CYTH3: variants seen among roughly 807,000 people sequenced by gnomAD.
The protein encoded by CYTH3 is cytohesin-3.
Under a neutral mutation model 55.1 loss-of-function variants are expected in CYTH3, and 23 were observed. The observed-to-expected ratio is 0.42, with a 90% CI of 0.30 to 0.59. CYTH3 has a LOEUF of 0.59. Ranked by LOEUF, CYTH3 falls within the 20% of genes least tolerant of loss-of-function variation. The pLI, the probability that CYTH3 is intolerant of heterozygous loss-of-function variation, is 0.20. For missense variants in CYTH3, 413 were observed against 524.8 expected, an observed-to-expected ratio of 0.79 and a Z score of 2.08; for synonymous variants, 249 against 194.9, an observed-to-expected ratio of 1.28 and a Z score of -2.31.
chr7:6,259,757 TTATATATATATATATTATATATATATA>T (rs1562417341), intron 1 of CYTH3, among the ~76,000 whole-genome samples: 534 of 37,450 alleles, frequency 0.014, 9 homozygotes, highest in Middle Eastern at 0.026. Flanking sequence ...TATATATATA[TTATATATATATATATTATATATATATA>T]ATATATATAT....
chr7:6,181,528 C>T (rs1411076526), intron 4 of CYTH3, among the ~76,000 whole-genome samples: 2 of 152,200 alleles, frequency 1.3e-5, no homozygotes, highest in African/African-American at 2.4e-5. Context: ...ATCTTTCCTT[C>T]CTGGGAAATT....
chr7:6,176,380 G>C (rs972815624), intron 5 of CYTH3, among the ~76,000 whole-genome samples: 3 of 147,568 alleles, frequency 2.0e-5, no homozygotes, highest in Non-Finnish European at 4.4e-5. Context: ...TCCTGCCTCA[G>C]CCTCTTGCAT....
chr7:6,184,028 G>A (rs937421169), intron 4 of CYTH3, among the ~76,000 whole-genome samples: 11 of 86,274 alleles, frequency 1.3e-4, no homozygotes, highest in Non-Finnish European at 2.5e-4. Context: ...CATTTCCATT[G>A]TTTACGCACC....
chr7:6,237,607 C>G (rs1183130631), intron 1 of CYTH3, among the ~76,000 whole-genome samples: 6 of 152,100 alleles, frequency 3.9e-5, no homozygotes, highest in African/African-American at 1.4e-4. Flanking sequence ...ACTCAGGAGG[C>G]TGAGGCAGGA....
intron 1 of CYTH3, among the ~76,000 whole-genome samples, chr7:6,234,634 G>A (rs1354132448): frequency 6.6e-6 from 1 of 152,188 alleles, no homozygotes; most frequent in Non-Finnish European, 1.5e-5. Flanking sequence ...GGGACCCGGT[G>A]ACCTGTTGAG....
rs1562870214 is a variant in CYTH3, at chr7:6,163,345, G to C, written c.*1599C>G. The C allele has an allele frequency of 6.6e-6, 1 of 152,376 alleles. No homozygotes were observed. The highest frequency in any genetic ancestry group is 1.5e-5 in the Non-Finnish European group (1 of 68,148). 9.4% of individuals were successfully genotyped at this position (152,376 alleles called of 1,614,324 possible). A position where few individuals can be genotyped will look rare whatever the true frequency, so the allele number is the denominator to read the frequency against. On this transcript the variant is annotated 3_prime_UTR_variant, in exon 13 of 13. Transcript: ENST00000350796. ...TGCACAGGAGTACAGATGCCCTCCAGAGGGTGCAGATTCAAGGTGTGTGTG... is the reference window on the plus strand; with the variant it reads ...TGCACAGGAGTACAGATGCCCTCCACAGGGTGCAGATTCAAGGTGTGTGTG...
intron 1 of CYTH3, among the ~76,000 whole-genome samples, chr7:6,192,036 T>C (rs1335662742): frequency 2.0e-5 from 3 of 152,000 alleles, no homozygotes; most frequent in Non-Finnish European, 4.4e-5. Flanking sequence ...GCTATGATCA[T>C]GACTGTGAGG....
rs1004502316 is a variant in CYTH3 at position 6,167,543 on chromosome 7, G to T, written c.824-1733C>A. Among the ~76,000 whole-genome samples, 1 of 152,230 alleles carries T rather than the reference G, an allele frequency of 6.6e-6. No individual in the cohort carries two copies. Among genetic ancestry groups the T allele is most frequent in the African/African-American group, 2.4e-5 (1 of 41,462 alleles). ...TGCCAGCTGCCATCCCCCAAACAGC[G>T]GCCAAAGGCATCTTTTCAAAAACGT... On this transcript the variant is annotated intron_variant, in intron 9 of 12. Transcript: ENST00000350796. The surrounding 1 kb of genome is among the most constrained non-coding windows in gnomAD (Gnocchi z 5.5).
intron 1 of CYTH3, among the ~76,000 whole-genome samples, chr7:6,208,320 A>G (rs1052782271): frequency 1.6e-4 from 24 of 152,336 alleles, no homozygotes; most frequent in Non-Finnish European, 2.9e-4. Flanking sequence ...GGACTCATAT[A>G]TAAACATCCT....
At chr7:6,272,429 C>T (rs2115077170) in intron 1 of CYTH3, 45 bp downstream of exon 1, 1 of 1,314,888 alleles carries the variant, frequency 7.6e-7, no homozygotes, top group Non-Finnish European at 9.8e-7. Flanking sequence ...CCCCCGGCCC[C>T]CGACCCCAGG....
At chr7:6,204,986 G>A (rs1043764731) in intron 1 of CYTH3, among the ~76,000 whole-genome samples, 1 of 151,920 alleles carries the variant, frequency 6.6e-6, no homozygotes, top group Non-Finnish European at 1.5e-5. Context: ...GCAACATGGC[G>A]AAGACCCTGT....
intron 1 of CYTH3, among the ~76,000 whole-genome samples, chr7:6,202,624 C>T (rs1445033773): frequency 6.6e-6 from 1 of 152,116 alleles, no homozygotes; most frequent in Non-Finnish European, 1.5e-5. Flanking sequence ...CCGCCACGCC[C>T]AACTAATTTT....
intron 4 of CYTH3, among the ~76,000 whole-genome samples, chr7:6,184,251 G>T (rs1305131940): frequency 6.6e-6 from 1 of 151,478 alleles, no homozygotes; most frequent in Non-Finnish European, 1.5e-5. Context: ...CAGTAGAAAC[G>T]GGGTTTCACT....
At chr7:6,183,625 T>A (rs1450022377) in intron 4 of CYTH3, among the ~76,000 whole-genome samples, 1 of 152,230 alleles carries the variant, frequency 6.6e-6, no homozygotes, top group Non-Finnish European at 1.5e-5. Context: ...AATGTCTTCA[T>A]GCTTCATAGT....
chr7:6,268,572 C>A (rs965856312), intron 1 of CYTH3, among the ~76,000 whole-genome samples: 1 of 152,208 alleles, frequency 6.6e-6, no homozygotes, highest in South Asian at 2.1e-4. Context: ...ACCATCTGGG[C>A]ATGGATTTAT....
chr7:6,166,408 T>C (rs980783043), intron 9 of CYTH3, among the ~76,000 whole-genome samples: 21 of 152,338 alleles, frequency 1.4e-4, no homozygotes, highest in African/African-American at 5.1e-4. Flanking sequence ...TGTTTGTTTT[T>C]TAAATAATTC....
chr7:6,244,244 G>A (rs764389689), intron 1 of CYTH3, among the ~76,000 whole-genome samples: 1 of 152,194 alleles, frequency 6.6e-6, no homozygotes, highest in Non-Finnish European at 1.5e-5. Context: ...CAGGTTTTCA[G>A]ATGACAAAAC....
At chr7:6,174,692 C>A (rs1783296862) in intron 5 of CYTH3, among the ~76,000 whole-genome samples, 1 of 151,962 alleles carries the variant, frequency 6.6e-6, no homozygotes, top group Non-Finnish European at 1.5e-5. Flanking sequence ...GGACTACAGG[C>A]ACCCGCCAGC....
At chr7:6,186,787 A>G (rs1268360773) in intron 4 of CYTH3, among the ~76,000 whole-genome samples, 2 of 152,186 alleles carry the variant, frequency 1.3e-5, no homozygotes, top group Non-Finnish European at 2.9e-5. Context: ...TGAGTCGTCC[A>G]AGCCGTGCCT....
Sources: gnomAD v4.1 joint callset for allele counts (sites outside exome capture counted in the v4.1 genomes callset) on GRCh38, gnomAD v4.1.1 for gene constraint, Gnocchi (gnomAD v3.1) non-coding constraint, MANE v1.5 for transcripts, NCBI Gene and HGNC (gene_info 2026-07-23, HGNC 2026-07-21) for gene names.